The following TRIM42 variants were observed in gnomAD, a reference collection of about 807,000 sequenced individuals.
The protein encoded by TRIM42 is tripartite motif containing 42.
Under a neutral mutation model 64.9 loss-of-function variants are expected in TRIM42, and 59 were observed. The observed-to-expected ratio is 0.91, with a 90% CI of 0.74 to 1.13. The LOEUF is 1.13. TRIM42 is among the 50% of genes most tolerant of loss of function. The probability of loss-of-function intolerance (pLI) is 0.00; values close to 1 mark genes in which losing one functional copy is unlikely to be tolerated. For synonymous variants in TRIM42, 354 were observed against 346.3 expected, an observed-to-expected ratio of 1.02 and a Z score of -0.25; for missense variants, 878 against 929.5, an observed-to-expected ratio of 0.94 and a Z score of 0.72.
At chr3:140,697,192 T>C (rs185294384) in intron 4 of TRIM42, among the ~76,000 whole-genome samples, 210 of 152,324 alleles carry the variant, frequency 1.4e-3, no homozygotes, top group Non-Finnish European at 2.4e-3. Flanking sequence ...CATTTTTCTA[T>C]TGCATTTTTC....
intron 3 of TRIM42, among the ~76,000 whole-genome samples, chr3:140,688,866 C>G (rs1289801729): frequency 6.6e-6 from 1 of 152,258 alleles, no homozygotes; most frequent in Non-Finnish European, 1.5e-5. Flanking sequence ...GAAGACACTA[C>G]TTGGCAGTGT....
At chr3:140,692,942 A>T (rs1441651482) in intron 4 of TRIM42, among the ~76,000 whole-genome samples, 1 of 152,214 alleles carries the variant, frequency 6.6e-6, no homozygotes, top group Non-Finnish European at 1.5e-5. Flanking sequence ...TCAGTCTACC[A>T]TCTCAGTCCC....
intron 1 of TRIM42, among the ~76,000 whole-genome samples, chr3:140,682,058 C>T (rs142879247): frequency 2.6e-5 from 4 of 152,192 alleles, no homozygotes; most frequent in African/African-American, 7.2e-5. Context: ...TTGATATTAC[C>T]GATGTTCAAC....
Position 140,682,530 on chromosome 3 carries a change from A to G in TRIM42, c.410A>G (p.Asn137Ser), listed in dbSNP as rs766386785. The change falls in exon 2 of 5, where the codon AAC (asparagine) becomes AGC (serine). Residue 137 changes from asparagine to serine, a missense_variant. By Grantham distance (46) the Asn-to-Ser change is conservative. Transcript: ENST00000286349. ...QVDEVKSIPA[N>S]SHLVNHLNCP... ...GATGAAGTAAAGTCAATACCAGCCA[A>G]CAGTCACCTGGTGAACCACCTCAAT... The G allele has an allele frequency of 1.8e-5, 29 of 1,614,086 alleles. No homozygotes were observed. The highest frequency in any genetic ancestry group is 1.6e-4 in the Middle Eastern group (1 of 6,084).
intron 2 of TRIM42, among the ~76,000 whole-genome samples, chr3:140,686,832 T>A (rs1988556488): frequency 6.6e-6 from 1 of 152,000 alleles, no homozygotes; most frequent in South Asian, 2.1e-4. Flanking sequence ...AACAAAGGTA[T>A]TCATTTCACC....
intron 1 of TRIM42, among the ~76,000 whole-genome samples, chr3:140,679,061 C>CCT (rs1988290401): frequency 6.6e-6 from 1 of 151,804 alleles, no homozygotes; most frequent in Admixed American, 6.6e-5. Flanking sequence ...AATACCCCCC[C>CCT]CATGATATTG....
chr3:140,686,548 C>G (rs1441929738), intron 2 of TRIM42, among the ~76,000 whole-genome samples: 1 of 152,204 alleles, frequency 6.6e-6, no homozygotes, highest in African/African-American at 2.4e-5. Context: ...CATGATCTGA[C>G]AGAACACTAG....
chr3:140,696,055 T>C (rs1455264737), intron 4 of TRIM42, among the ~76,000 whole-genome samples: 2 of 152,200 alleles, frequency 1.3e-5, no homozygotes, highest in South Asian at 2.1e-4. Flanking sequence ...ATGCTGGACC[T>C]GATTTCTTTT....
chr3:140,694,158 G>C (rs924602173), intron 4 of TRIM42, among the ~76,000 whole-genome samples: 1 of 152,150 alleles, frequency 6.6e-6, no homozygotes, highest in African/African-American at 2.4e-5. Flanking sequence ...ACTTTACTCT[G>C]GGAGAATGAT....
intron 4 of TRIM42, among the ~76,000 whole-genome samples, chr3:140,699,526 C>T (rs1482885469): frequency 6.6e-6 from 1 of 152,018 alleles, no homozygotes; most frequent in East Asian, 1.9e-4. Flanking sequence ...TTCTTTCTAC[C>T]TGATTCCCTT....
At chr3:140,697,558 G>A (rs562545360) in intron 4 of TRIM42, among the ~76,000 whole-genome samples, 91 of 152,204 alleles carry the variant, frequency 6.0e-4, no homozygotes, top group Non-Finnish European at 1.1e-3. Flanking sequence ...TGTAGTCCTA[G>A]GTAGGGATGT....
rs1319694865 is a variant in TRIM42, at chr3:140,678,435, C to T, written c.206C>T (p.Ser69Phe). Reference protein sequence around the residue: ...ESPNCHWCCCSWANDPNCKCC... With the variant: ...ESPNCHWCCCFWANDPNCKCC... The stretch of plus-strand genomic sequence containing the variant: ...CCCAACTGCCATTGGTGTTGCTGCT[C>T]TTGGGCCAATGATCCCAACTGTAAG... The change falls in exon 1 of 5, where the codon TCT (serine) becomes TTT (phenylalanine). Residue 69 changes from serine to phenylalanine, a missense_variant. Coordinates refer to ENST00000286349, the MANE Select transcript of TRIM42 (RefSeq NM_152616.5). 1 of 1,614,206 alleles carries T rather than the reference C, an allele frequency of 6.2e-7. No homozygotes were observed. Among genetic ancestry groups the T allele is most frequent in the South Asian group, 1.1e-5 (1 of 91,076 alleles).
intron 4 of TRIM42, among the ~76,000 whole-genome samples, chr3:140,700,621 G>C (rs1028848792): frequency 3.9e-5 from 6 of 152,214 alleles, no homozygotes; most frequent in African/African-American, 1.4e-4. Context: ...ACTGTCATCA[G>C]CACTTAGTCA....
intron 4 of TRIM42, among the ~76,000 whole-genome samples, chr3:140,692,689 A>G (rs562248052): frequency 1.3e-5 from 2 of 152,008 alleles, no homozygotes; most frequent in Non-Finnish European, 2.9e-5. Flanking sequence ...AGTTGCCCCA[A>G]AGCCCTTCTC....
In TRIM42 at chr3:140,700,896, A is replaced by G. The variant is rs202123806; in HGVS notation, c.2094A>G (p.Thr698=). ...TTCGCTTCTGATTGCAGGTGGTAACACCAGATGGACATGGGAAGAACCGAG... is the reference window on the plus strand; with the variant it reads ...TTCGCTTCTGATTGCAGGTGGTAACGCCAGATGGACATGGGAAGAACCGAG... The part of the protein sequence containing the change: ...GQWSDICKVV[T]PDGHGKNRAK... The change falls in exon 5 of 5, where the codon ACA becomes ACG. Residue 698 remains threonine, a synonymous_variant. Transcript: ENST00000286349. 340 of 1,614,086 alleles carry G rather than the reference A, an allele frequency of 2.1e-4. No individual in the cohort carries two copies. Among genetic ancestry groups the G allele is most frequent in the Non-Finnish European group, 2.7e-4 (318 of 1,179,932 alleles).
intron 2 of TRIM42, 45 bp downstream of exon 2, chr3:140,683,204 A>G (rs1209351085): frequency 2.5e-6 from 4 of 1,594,930 alleles, no homozygotes; most frequent in Non-Finnish European, 3.4e-6. Context: ...TAGTTCAGGA[A>G]CACATGGGGA....
chr3:140,697,661 G>T (rs941095363), intron 4 of TRIM42, among the ~76,000 whole-genome samples: 3 of 151,678 alleles, frequency 2.0e-5, no homozygotes, highest in South Asian at 2.1e-4. Context: ...GCCACTTTTG[G>T]TTTTTTTGTT....
Position 140,699,365 on chromosome 3 carries a change from C to T in TRIM42, c.2086-1523C>T, listed in dbSNP as rs557843514. On this transcript the variant is annotated intron_variant, in intron 4 of 4. Transcript: ENST00000286349. Reference sequence around the variant, plus strand: ...ATAAAAAGAGCTGGGAAACTTTTTGCTCTTCTATTTTCTAGAATAACTCTT... The same window carrying T: ...ATAAAAAGAGCTGGGAAACTTTTTGTTCTTCTATTTTCTAGAATAACTCTT... 1.5e-4 allele frequency among the ~76,000 whole-genome samples: 23 copies of T among 152,246 alleles called. No individual in the cohort carries two copies. In the South Asian group the frequency reaches 4.6e-3, roughly 30 times the overall value.
In TRIM42 at chr3:140,682,364, G is replaced by T; in HGVS notation, c.342-98G>T. 1.7e-5 allele frequency: 21 copies of T among 1,213,826 alleles called. 1 individual carries two copies. In the South Asian group the frequency reaches 3.0e-4, roughly 17 times the overall value. 75.2% of individuals were successfully genotyped at this position (1,213,826 alleles called of 1,614,324 possible). A position where few individuals can be genotyped will look rare whatever the true frequency, so the allele number is the denominator to read the frequency against. Reference sequence around the variant, plus strand: ...GCTCAGGCTCCTCACCACCACACTAGACTGCCCCTCAGGAACCAAGAGTTC... The same window carrying T: ...GCTCAGGCTCCTCACCACCACACTATACTGCCCCTCAGGAACCAAGAGTTC... On this transcript the variant is annotated intron_variant, in intron 1 of 4. Transcript: ENST00000286349.
Sources: allele counts gnomAD v4.1 joint callset (sites outside exome capture counted in the v4.1 genomes callset), GRCh38; gene constraint gnomAD v4.1.1; transcripts MANE v1.5; gene names NCBI Gene and HGNC (gene_info 2026-07-23, HGNC 2026-07-21).